The following FHOD3 variants were observed in gnomAD, a reference collection of about 807,000 sequenced individuals.
FHOD3 encodes FH1/FH2 domain-containing protein 3.
In FHOD3, 90 loss-of-function variants were observed where a neutral mutation model predicts 173.0. That is an observed-to-expected ratio of 0.52 (90% CI 0.44 to 0.62). The LOEUF is 0.62. FHOD3 is among the 20% of genes least tolerant of loss of function. The probability of loss-of-function intolerance (pLI) is 0.00; values close to 1 mark genes in which losing one functional copy is unlikely to be tolerated. For missense variants in FHOD3, 1,945 were observed against 2,034.7 expected, an observed-to-expected ratio of 0.96 and a Z score of 0.85; for synonymous variants, 828 against 823.0, an observed-to-expected ratio of 1.01 and a Z score of -0.10.
intron 3 of FHOD3, among the ~76,000 whole-genome samples, chr18:36,395,152 GTT>G (rs76356746): frequency 6.8e-6 from 1 of 147,762 alleles, no homozygotes; most frequent in African/African-American, 2.5e-5. Context: ...AACAGTTTAG[GTT>G]TTTTTTTTTC....
At chr18:36,580,678 C>G (rs935697700) in intron 6 of FHOD3, among the ~76,000 whole-genome samples, 1 of 152,196 alleles carries the variant, frequency 6.6e-6, no homozygotes, top group Non-Finnish European at 1.5e-5. Flanking sequence ...TCCCTCACCC[C>G]CATCTGAATA....
At chr18:36,504,035 C>T (rs2055172241) in intron 4 of FHOD3, among the ~76,000 whole-genome samples, 1 of 152,176 alleles carries the variant, frequency 6.6e-6, no homozygotes, top group Non-Finnish European at 1.5e-5. Flanking sequence ...AGTGATTCTC[C>T]TGCCCCAGCC....
chr18:36,448,185 T>TA (rs1733584227), intron 3 of FHOD3, among the ~76,000 whole-genome samples: 1 of 152,156 alleles, frequency 6.6e-6, no homozygotes, highest in African/African-American at 2.4e-5. Context: ...ATTTTGAATT[T>TA]AAAAGGCAAG....
chr18:36,320,311 G>A (rs996388585), intron 1 of FHOD3, among the ~76,000 whole-genome samples: 17 of 152,064 alleles, frequency 1.1e-4, no homozygotes, highest in Non-Finnish European at 2.1e-4. Flanking sequence ...TATCACCACC[G>A]ATCCCACAGA....
chr18:36,636,659 T>G (rs2034908746), intron 10 of FHOD3, among the ~76,000 whole-genome samples: 1 of 151,728 alleles, frequency 6.6e-6, no homozygotes, highest in South Asian at 2.1e-4. Flanking sequence ...TCCTGAGGTT[T>G]TTTTTTTTTT....
intron 5 of FHOD3, among the ~76,000 whole-genome samples, chr18:36,568,367 A>T (rs796225711): frequency 1.1e-4 from 12 of 109,452 alleles, no homozygotes; most frequent in East Asian, 8.8e-4. Flanking sequence ...AAAAAAAAAA[A>T]GGTGGTGGAG....
intron 3 of FHOD3, among the ~76,000 whole-genome samples, chr18:36,471,425 C>G (rs2053278470): frequency 6.6e-6 from 1 of 152,196 alleles, no homozygotes; most frequent in African/African-American, 2.4e-5. Flanking sequence ...GATATCACCC[C>G]TTTGTTTTCC....
chr18:36,334,788 T>C (rs1309468409), intron 1 of FHOD3, among the ~76,000 whole-genome samples: 2 of 152,200 alleles, frequency 1.3e-5, no homozygotes, highest in Non-Finnish European at 2.9e-5. Flanking sequence ...ATGGATAATC[T>C]GATTTAGGTT....
At chr18:36,654,416 A>G (rs1179066146) in intron 13 of FHOD3, among the ~76,000 whole-genome samples, 1 of 152,138 alleles carries the variant, frequency 6.6e-6, no homozygotes, top group African/African-American at 2.4e-5. Context: ...TTTTACTATA[A>G]GTTTAAATTG....
At chr18:36,495,376 C>T (rs532194992) in intron 3 of FHOD3, among the ~76,000 whole-genome samples, 95 of 152,286 alleles carry the variant, frequency 6.2e-4, no homozygotes, top group African/African-American at 2.2e-3. Flanking sequence ...ATCTGCTCCC[C>T]TGCAACCTCC....
intron 17 of FHOD3, among the ~76,000 whole-genome samples, chr18:36,707,677 C>T (rs1180822199): frequency 1.3e-5 from 2 of 152,262 alleles, no homozygotes; most frequent in East Asian, 1.9e-4. Context: ...CTTAGTAATG[C>T]CCATGCCCAG....
intron 17 of FHOD3, among the ~76,000 whole-genome samples, chr18:36,700,924 C>A (rs981836724): frequency 2.6e-5 from 4 of 152,210 alleles, no homozygotes; most frequent in African/African-American, 9.7e-5. Flanking sequence ...ATCTTCTCTT[C>A]TCTAAAGCCG....
intron 3 of FHOD3, among the ~76,000 whole-genome samples, chr18:36,485,990 C>A (rs2054173353): frequency 6.6e-6 from 1 of 152,206 alleles, no homozygotes; most frequent in East Asian, 1.9e-4. Context: ...CTCCTCTGTT[C>A]CATCACTTCC....
intron 2 of FHOD3, among the ~76,000 whole-genome samples, chr18:36,361,159 G>A (rs557551176): frequency 1.3e-4 from 20 of 152,158 alleles, no homozygotes; most frequent in African/African-American, 4.8e-4. Flanking sequence ...TCAAGCTCCT[G>A]TCTTCATAGT....
At chr18:36,530,160 T>C (rs1257672092) in intron 5 of FHOD3, among the ~76,000 whole-genome samples, 7 of 152,208 alleles carry the variant, frequency 4.6e-5, no homozygotes, top group African/African-American at 1.4e-4. Flanking sequence ...TTGAAACATA[T>C]CAGACTTAGA....
intron 20 of FHOD3, among the ~76,000 whole-genome samples, chr18:36,735,620 T>C (rs990866841): frequency 6.6e-6 from 1 of 152,182 alleles, no homozygotes; most frequent in Admixed American, 6.5e-5. Context: ...TGAAAGAAGA[T>C]ACTATCAAGA....
chr18:36,744,006 G>A lies in FHOD3; in HGVS notation c.3880-26G>A, dbSNP rs750893317. 69 of 1,613,352 alleles carry A rather than the reference G, an allele frequency of 4.3e-5. No homozygotes were observed. The Middle Eastern group carries it at 4.9e-4, about 12-fold the overall frequency. ...TTCTCTAAGAGCCTGCTTGAAACATGTCTTTTATTGATGTTTGCAAAACAG... is the reference window on the plus strand; with the variant it reads ...TTCTCTAAGAGCCTGCTTGAAACATATCTTTTATTGATGTTTGCAAAACAG... On this transcript the variant is annotated intron_variant, in intron 22 of 28. Coordinates refer to ENST00000590592, the MANE Select transcript of FHOD3 (RefSeq NM_001281740.3).
At position 36,312,033 on chromosome 18, in the gene FHOD3, C is replaced by T. The variant is rs73949423; in HGVS notation, c.165+14033C>T. Among the ~76,000 whole-genome samples, 587 of 152,340 alleles carry T rather than the reference C, an allele frequency of 3.9e-3. 4 individuals are homozygous for T. Among genetic ancestry groups the T allele is most frequent in the African/African-American group, 0.014 (570 of 41,566 alleles). ...AAGCCTCCCAGACCTGTCTAAGCCC[C>T]ACTGTCTTACCTTCCCCCTGCCCTG... On this transcript the variant is annotated intron_variant, in intron 1 of 28. Transcript: ENST00000590592.
At chr18:36,622,277 G>A (rs1158239511) in intron 9 of FHOD3, among the ~76,000 whole-genome samples, 2 of 152,124 alleles carry the variant, frequency 1.3e-5, no homozygotes, top group African/African-American at 4.8e-5. Flanking sequence ...CGTCCCTCTA[G>A]TTAACAATAA....
Sources: allele counts gnomAD v4.1 joint callset (sites outside exome capture counted in the v4.1 genomes callset), GRCh38; gene constraint gnomAD v4.1.1; transcripts MANE v1.5; gene names NCBI Gene and HGNC (gene_info 2026-07-23, HGNC 2026-07-21).